The following RSPRY1 variants were observed in gnomAD, a reference collection of about 807,000 sequenced individuals.
RSPRY1 encodes the protein RING finger and SPRY domain-containing protein 1.
RSPRY1 carries 23 observed loss-of-function variants against 73.1 expected under a neutral mutation model. The observed-to-expected ratio is 0.31, with a 90% CI of 0.23 to 0.45. The LOEUF is 0.45. RSPRY1 is among the 20% of genes least tolerant of loss of function. The probability of loss-of-function intolerance (pLI) is 1.00; values close to 1 mark genes in which losing one functional copy is unlikely to be tolerated. For missense variants in RSPRY1, 448 were observed against 698.7 expected (o/e 0.64, Z 4.05); for synonymous variants, 226 against 251.4 (o/e 0.90, Z 0.95).
Position 57,220,716 on chromosome 16 carries a change from ACT to A in RSPRY1, c.902-13_902-12del. Reference sequence around the variant, plus strand: ...AGCAGCCTGCCTTAGAAACATGAACACTCTTTCTTTTGCAGTTTTAAAAGAAG... The same window carrying A: ...AGCAGCCTGCCTTAGAAACATGAACACTTTCTTTTGCAGTTTTAAAAGAAG... On this transcript the variant is annotated splice_polypyrimidine_tract_variant and intron_variant, in intron 8 of 14. Transcript: ENST00000394420. 1.3e-6 allele frequency: 2 copies of A among 1,536,478 alleles called. No homozygotes were observed. The highest frequency in any genetic ancestry group is 1.1e-5 in the South Asian group (1 of 89,444).
At chr16:57,199,448 T>C (rs113156599) in intron 1 of RSPRY1, among the ~76,000 whole-genome samples, 17,864 of 152,118 alleles carry the variant, frequency 0.12, 1,410 homozygotes, top group East Asian at 0.23. Flanking sequence ...GCCAAGATCG[T>C]ACCATTGCAC....
intron 14 of RSPRY1, among the ~76,000 whole-genome samples, chr16:57,236,870 AT>A (rs61476400): frequency 0.09 from 13,731 of 152,172 alleles, 750 homozygotes; most frequent in East Asian, 0.23. Flanking sequence ...GGATGGTACA[AT>A]TACAGAAATC....
In RSPRY1 at chr16:57,208,174, C is replaced by A. The variant is rs560521946; in HGVS notation, c.403+64C>A. The A allele has an allele frequency of 1.3e-5, 13 of 1,039,380 alleles. No homozygotes were observed. In the African/African-American group the frequency reaches 2.0e-4, roughly 16 times the overall value. The allele number at this position is 1,039,380 out of a possible 1,614,324, so 64.4% of individuals were successfully genotyped here. A position where few individuals can be genotyped will look rare whatever the true frequency, so the allele number is the denominator to read the frequency against. ...TATAATAATGAAGAAAAGTAGCCAC[C>A]TTTTGTTTTTTGTTTTGTTTTGTTT... On this transcript the variant is annotated intron_variant, in intron 3 of 14. Coordinates refer to ENST00000394420, the MANE Select transcript of RSPRY1 (RefSeq NM_133368.3).
At chr16:57,201,395 C>T (rs1356591840) in intron 1 of RSPRY1, among the ~76,000 whole-genome samples, 6 of 149,942 alleles carry the variant, frequency 4.0e-5, no homozygotes, top group African/African-American at 1.2e-4. Context: ...ACATCTCAGA[C>T]GATGGGCGGC....
intron 5 of RSPRY1, 46 bp downstream of exon 5, chr16:57,213,144 A>G (rs1420467164): frequency 3.8e-6 from 6 of 1,563,106 alleles, no homozygotes; most frequent in Non-Finnish European, 3.5e-6. Flanking sequence ...GTTGTTTGAC[A>G]TTAAAGGGAA....
At chr16:57,214,646 T>G (rs1448726741) in intron 6 of RSPRY1, among the ~76,000 whole-genome samples, 1 of 152,272 alleles carries the variant, frequency 6.6e-6, no homozygotes, top group East Asian at 1.9e-4. Context: ...AGAGGTTTAT[T>G]GGTTAGTTGA....
intron 8 of RSPRY1, chr16:57,220,171 TA>T (rs1333254234): frequency 3.9e-5 from 6 of 152,236 alleles, no homozygotes; most frequent in African/African-American, 9.6e-5. Context: ...ATTTTAGGAT[TA>T]TTTTTTACTA....
intron 3 of RSPRY1, among the ~76,000 whole-genome samples, 192 bp downstream of exon 3, chr16:57,208,302 C>CTTTTTTTTTTT (rs34138044): frequency 1.3e-5 from 1 of 79,200 alleles, no homozygotes; most frequent in Non-Finnish European, 2.4e-5. Context: ...CATATTATAC[C>CTTTTTTTTTTT]TTTTTTTTTT....
chr16:57,226,197 C>A (rs1179083834), intron 10 of RSPRY1, among the ~76,000 whole-genome samples: 2 of 152,140 alleles, frequency 1.3e-5, no homozygotes, highest in Admixed American at 6.5e-5. Context: ...GTTTTGAAAT[C>A]TCTGAATATT....
At chr16:57,211,566 C>A (rs2074844233) in intron 4 of RSPRY1, among the ~76,000 whole-genome samples, 1 of 152,092 alleles carries the variant, frequency 6.6e-6, no homozygotes, top group African/African-American at 2.4e-5. Flanking sequence ...GAGACTCCAT[C>A]TCAACAACAA....
At chr16:57,237,083 C>CT (rs2075311310) in intron 14 of RSPRY1, among the ~76,000 whole-genome samples, 1 of 152,022 alleles carries the variant, frequency 6.6e-6, no homozygotes, top group Non-Finnish European at 1.5e-5. Flanking sequence ...CAAAGAATTG[C>CT]TTAAACCTGG....
Position 57,221,428 on chromosome 16 carries a change from G to A in RSPRY1, c.1161+13G>A, listed in dbSNP as rs377043714. ...ATTCCTCAATCATGTGAGTACCCTA[G>A]AGAACTGTGAAAATGGGAGCAGTGG... On this transcript the variant is annotated intron_variant, in intron 10 of 14. Transcript: ENST00000394420. 1.0e-5 allele frequency: 16 copies of A among 1,594,512 alleles called. No homozygotes were observed. In the African/African-American group the frequency reaches 2.2e-4, roughly 22 times the overall value.
At chr16:57,221,126 T>C in intron 9 of RSPRY1, 146 bp from the exon 10 acceptor site, 2 of 1,022,224 alleles carry the variant, frequency 2.0e-6, no homozygotes, top group Non-Finnish European at 2.9e-6. Flanking sequence ...TTTGTACTTT[T>C]TGTCACTGAG....
chr16:57,216,182 A>G lies in RSPRY1; in HGVS notation c.769+9A>G. On this transcript the variant is annotated intron_variant, in intron 7 of 14. Coordinates refer to ENST00000394420, the MANE Select transcript of RSPRY1 (RefSeq NM_133368.3). ...AAAGTTTGCACAGACAAGTAGGTATAGTGACTTCTTGCACTAATGATCTTC... is the reference window on the plus strand; with the variant it reads ...AAAGTTTGCACAGACAAGTAGGTATGGTGACTTCTTGCACTAATGATCTTC... 1 of 1,595,814 alleles carries G rather than the reference A, an allele frequency of 6.3e-7. No individual in the cohort carries two copies. The highest frequency in any genetic ancestry group is 8.6e-7 in the Non-Finnish European group (1 of 1,164,082).
chr16:57,220,682 T>C (rs750535080), intron 8 of RSPRY1, 50 bp from the exon 9 acceptor site: 32 of 1,272,560 alleles, frequency 2.5e-5, no homozygotes, highest in Non-Finnish European at 2.4e-5. Context: ...AGCTTCTTCT[T>C]TTCTCCACAG....
At position 57,220,778 on chromosome 16, in the gene RSPRY1, T is replaced by C; in HGVS notation, c.948T>C (p.Ser316=). 1 of 1,613,964 alleles carries C rather than the reference T, an allele frequency of 6.2e-7. No individual in the cohort carries two copies. Among genetic ancestry groups the C allele is most frequent in the Non-Finnish European group, 8.5e-7 (1 of 1,179,850 alleles). ...RQLTYEKVNL[S]SIRAMLNSND... ...TGACCTATGAGAAAGTGAACTTGAGTAGCATTAGGGCCATGCTGAATAGCA... is the reference window on the plus strand; with the variant it reads ...TGACCTATGAGAAAGTGAACTTGAGCAGCATTAGGGCCATGCTGAATAGCA... The change falls in exon 9 of 15, where the codon AGT becomes AGC. Residue 316 remains serine (S), a synonymous_variant. Coordinates refer to ENST00000394420, the MANE Select transcript of RSPRY1 (RefSeq NM_133368.3).
chr16:57,215,995 C>T (rs1297060408), intron 6 of RSPRY1, 112 bp from the exon 7 acceptor site: 1 of 766,208 alleles, frequency 1.3e-6, no homozygotes, highest in Non-Finnish European at 2.1e-6. Context: ...ACTTTTCTGA[C>T]CACTCGAAAA....
At chr16:57,196,192 G>T (rs1280595906) in intron 1 of RSPRY1, among the ~76,000 whole-genome samples, 1 of 151,894 alleles carries the variant, frequency 6.6e-6, no homozygotes, top group Non-Finnish European at 1.5e-5. Flanking sequence ...GACCTCATGG[G>T]AAATATATGG....
At chr16:57,217,740 C>T (rs1260492966) in intron 8 of RSPRY1, among the ~76,000 whole-genome samples, 1 of 152,130 alleles carries the variant, frequency 6.6e-6, no homozygotes, top group Non-Finnish European at 1.5e-5. Context: ...TTTGGATTTT[C>T]AGATTAAGAG....
Sources: allele counts gnomAD v4.1 joint callset (sites outside exome capture counted in the v4.1 genomes callset), GRCh38; gene constraint gnomAD v4.1.1; transcripts MANE v1.5; gene names NCBI Gene and HGNC (gene_info 2026-07-23, HGNC 2026-07-21).